DNAI4: variants seen among roughly 807,000 people sequenced by gnomAD.
DNAI4 encodes the protein WD repeat domain 78.
A neutral mutation model predicts 105.8 loss-of-function variants in DNAI4; 85 were observed. The observed-to-expected ratio is 0.80, with a 90% confidence interval of 0.67 to 0.96. The LOEUF is 0.96. Ranked by LOEUF, DNAI4 falls within the 40% of genes least tolerant of loss-of-function variation. The probability of loss-of-function intolerance (pLI) is 0.00; values close to 1 mark genes in which losing one functional copy is unlikely to be tolerated. For synonymous variants in DNAI4, 352 were observed against 331.5 expected, an observed-to-expected ratio of 1.06 and a Z score of -0.67; for missense variants, 1,014 against 1,005.6, an observed-to-expected ratio of 1.01 and a Z score of -0.11.
intron 1 of DNAI4, among the ~76,000 whole-genome samples, chr1:66,911,469 TG>T (rs1225533594): frequency 6.6e-6 from 1 of 152,140 alleles, no homozygotes; most frequent in East Asian, 1.9e-4. Flanking sequence ...CCTGAAGGTT[TG>T]GTTGGTGAGG....
chr1:66,875,123 A>G (rs1646934079), intron 4 of DNAI4, among the ~76,000 whole-genome samples, 186 bp from the exon 5 acceptor site: 1 of 152,200 alleles, frequency 6.6e-6, no homozygotes, highest in East Asian at 1.9e-4. Flanking sequence ...CTTGTAGGCC[A>G]TAAACAGCCT....
At chr1:66,854,125 C>T (rs1467343483) in intron 7 of DNAI4, among the ~76,000 whole-genome samples, 2 of 152,220 alleles carry the variant, frequency 1.3e-5, no homozygotes, top group Non-Finnish European at 2.9e-5. Flanking sequence ...GGAGCAGTTG[C>T]TCATGCCTGT....
chr1:66,872,286 T>A (rs1425482273), intron 5 of DNAI4, among the ~76,000 whole-genome samples: 1 of 152,120 alleles, frequency 6.6e-6, no homozygotes, highest in Non-Finnish European at 1.5e-5. Context: ...TGGAGTGCAG[T>A]GGCGTGACCT....
chr1:66,901,506 A>G (rs1648818269), intron 2 of DNAI4, among the ~76,000 whole-genome samples: 1 of 152,158 alleles, frequency 6.6e-6, no homozygotes, highest in Non-Finnish European at 1.5e-5. Context: ...CTATTAGTGA[A>G]TATTTTTCTA....
At chr1:66,821,322 C>T (rs1645621779) in intron 16 of DNAI4, among the ~76,000 whole-genome samples, 1 of 152,024 alleles carries the variant, frequency 6.6e-6, no homozygotes, top group South Asian at 2.1e-4. Flanking sequence ...TGCTCTTGAA[C>T]TCCTGACCTC....
At chr1:66,820,746 T>A (rs551445111) in intron 16 of DNAI4, among the ~76,000 whole-genome samples, 1 of 152,098 alleles carries the variant, frequency 6.6e-6, no homozygotes, top group Non-Finnish European at 1.5e-5. Context: ...AGCAAAGATT[T>A]GAAGTAAGTA....
rs147347299 is a variant in DNAI4 at position 66,924,755 on chromosome 1, C to T, written c.77G>A (p.Gly26Asp). Residue 26 changes from glycine (G) to aspartate (D), a missense_variant, in exon 1 of 17, where the codon GGC becomes GAC. Coordinates refer to ENST00000371026, the MANE Select transcript of DNAI4 (RefSeq NM_024763.5). Reference sequence around the variant, plus strand: ...GGTGCACCACCCCTTTTTTTGGCCGCCTCTGAAGTCCCTGTACCCCCAAGC... The same window carrying T: ...GGTGCACCACCCCTTTTTTTGGCCGTCTCTGAAGTCCCTGTACCCCCAAGC... ...GGAWGYRDFR[G>D]GQKKGWCTTP... is the part of the protein sequence containing the mutation. The T allele has an allele frequency of 1.8e-3, 2,937 of 1,614,136 alleles. 4 individuals are homozygous for T. The highest frequency in any genetic ancestry group is 1.9e-3 in the Non-Finnish European group (2,252 of 1,180,000).
At chr1:66,845,190 C>CAAAAAAAAAAAAAA (rs59265844) in intron 8 of DNAI4, among the ~76,000 whole-genome samples, 3 of 106,324 alleles carry the variant, frequency 2.8e-5, no homozygotes, top group Admixed American at 1.0e-4. Flanking sequence ...AACTCCATCT[C>CAAAAAAAAAAAAAA]AAAAAAAAAA....
At chr1:66,822,283 T>C (rs952965344) in intron 16 of DNAI4, 78 bp downstream of exon 16, 2 of 1,295,276 alleles carry the variant, frequency 1.5e-6, no homozygotes, top group Non-Finnish European at 1.0e-6. Flanking sequence ...TTGAGAAATG[T>C]AAATCCTTTG....
chr1:66,924,800 G>A lies in DNAI4; in HGVS notation c.32C>T (p.Ala11Val), dbSNP rs750329559. The A allele has an allele frequency of 3.1e-6, 5 of 1,614,028 alleles. No individual in the cohort carries two copies. In the African/African-American group the frequency reaches 6.7e-5, roughly 22 times the overall value. The change falls in exon 1 of 17, where the codon GCC (alanine) becomes GTC (valine). Residue 11 changes from alanine to valine, a missense_variant. Physicochemically the swap from Ala to Val is moderately conservative, Grantham distance 64. Coordinates refer to ENST00000371026, the MANE Select transcript of DNAI4 (RefSeq NM_024763.5). MTPGKHSGASARAANGGAWGY... is the reference protein window; with the variant it reads MTPGKHSGASVRAANGGAWGY... ...CCAAGCTCCTCCGTTAGCGGCTCGG[G>A]CCGAGGCTCCGGAATGTTTGCCGGG...
At chr1:66,903,223 T>G (rs964347888) in intron 2 of DNAI4, among the ~76,000 whole-genome samples, 2 of 152,286 alleles carry the variant, frequency 1.3e-5, no homozygotes, top group Admixed American at 1.3e-4. Context: ...CTTTTGTGTT[T>G]TGTAGTTTTC....
At chr1:66,858,705 A>C (rs1277102353) in intron 7 of DNAI4, among the ~76,000 whole-genome samples, 1 of 152,178 alleles carries the variant, frequency 6.6e-6, no homozygotes, top group Non-Finnish European at 1.5e-5. Context: ...CAAGCTAAAA[A>C]AGAAAAATAC....
chr1:66,895,629 AG>A, intron 2 of DNAI4, among the ~76,000 whole-genome samples: 1 of 152,246 alleles, frequency 6.6e-6, no homozygotes, highest in Middle Eastern at 3.4e-3. Flanking sequence ...GTTGAATAAA[AG>A]GGGGCTCTTT....
At chr1:66,870,470 G>A (rs1361102204) in intron 6 of DNAI4, among the ~76,000 whole-genome samples, 1 of 145,158 alleles carries the variant, frequency 6.9e-6, no homozygotes, top group Non-Finnish European at 1.5e-5. Flanking sequence ...AATATAACCA[G>A]CTGGGCACAG....
chr1:66,915,317 C>T (rs539306113), intron 1 of DNAI4, among the ~76,000 whole-genome samples: 16 of 152,270 alleles, frequency 1.1e-4, no homozygotes, highest in Non-Finnish European at 1.6e-4. Context: ...AACTAAGTAC[C>T]TCCCAAAGTT....
chr1:66,896,870 T>G (rs1047877404), intron 2 of DNAI4, among the ~76,000 whole-genome samples: 5 of 150,506 alleles, frequency 3.3e-5, no homozygotes, highest in Non-Finnish European at 7.4e-5. Flanking sequence ...GAAAACACAC[T>G]AAAAAAATTA....
chr1:66,819,878 T>G (rs1001347522), intron 16 of DNAI4, among the ~76,000 whole-genome samples: 4 of 152,022 alleles, frequency 2.6e-5, no homozygotes, highest in African/African-American at 9.7e-5. Flanking sequence ...TCATGTGAGA[T>G]GGACTAAGAG....
At chr1:66,903,647 C>T (rs886185486) in intron 2 of DNAI4, among the ~76,000 whole-genome samples, 8 of 152,154 alleles carry the variant, frequency 5.3e-5, no homozygotes, top group Admixed American at 1.3e-4. Flanking sequence ...GCACCTGCCA[C>T]GACGGCTGGC....
chr1:66,871,695 C>T lies in DNAI4; in HGVS notation c.801-186G>A, dbSNP rs1486348819. ...ATGACCTCCAGAGGACTCTTTTATA[C>T]TGTGTCTATTTCCCAACATCCCTAC... On this transcript the variant is annotated intron_variant, in intron 5 of 16. Transcript: ENST00000371026. Among the ~76,000 whole-genome samples, 3 of 152,160 alleles carry T rather than the reference C, an allele frequency of 2.0e-5. No homozygotes were observed. In the East Asian group the frequency reaches 5.8e-4, roughly 29 times the overall value.
Sources: allele counts gnomAD v4.1 joint callset (sites outside exome capture counted in the v4.1 genomes callset), GRCh38; gene constraint gnomAD v4.1.1; transcripts MANE v1.5; gene names NCBI Gene and HGNC (gene_info 2026-07-23, HGNC 2026-07-21).